The following MYLK variants were observed in gnomAD, a reference collection of about 807,000 sequenced individuals.
MYLK encodes myosin light chain kinase, also known as myosin light chain kinase, smooth muscle.
MYLK carries 106 observed loss-of-function variants against 203.4 expected under a neutral mutation model. The ratio of observed to expected loss-of-function variants is 0.52; its 90% CI spans 0.45 to 0.61. The LOEUF is 0.61. Ranked by LOEUF, MYLK falls within the 20% of genes least tolerant of loss-of-function variation. The pLI, the probability that MYLK is intolerant of heterozygous loss-of-function variation, is 0.00. For missense variants in MYLK, 2,072 were observed against 2,442.3 expected (o/e 0.85, Z 3.20); for synonymous variants, 867 against 959.5 (o/e 0.90, Z 1.78).
chr3:123,831,780 TA>T (rs775496949), intron 2 of MYLK, 110 bp from the exon 3 acceptor site: 40 of 172,170 alleles, frequency 2.3e-4, no homozygotes, highest in Non-Finnish European at 2.0e-4. Flanking sequence ...TATGTAGAAA[TA>T]GGGAAGCATC....
At chr3:123,669,226 C>G (rs1467083064) in intron 20 of MYLK, among the ~76,000 whole-genome samples, 1 of 152,196 alleles carries the variant, frequency 6.6e-6, no homozygotes, top group South Asian at 2.1e-4. Flanking sequence ...GGGCTTCCAC[C>G]AGGTTCCCTC....
chr3:123,850,777 T>G (rs1364888445), intron 2 of MYLK, among the ~76,000 whole-genome samples: 1 of 152,264 alleles, frequency 6.6e-6, no homozygotes, highest in Non-Finnish European at 1.5e-5. Flanking sequence ...TTTTGGCTTT[T>G]GTTGCCACTG....
intron 13 of MYLK, among the ~76,000 whole-genome samples, chr3:123,715,604 T>C (rs2061864392): frequency 6.6e-6 from 1 of 152,194 alleles, no homozygotes; most frequent in African/African-American, 2.4e-5. Context: ...CTAATTCTTC[T>C]TATAAAATAA....
At position 123,700,345 on chromosome 3, in the gene MYLK, G is replaced by A; in HGVS notation, c.3123C>T (p.Ala1041=). 1 of 1,613,646 alleles carries A rather than the reference G, an allele frequency of 6.2e-7. No homozygotes were observed. Among genetic ancestry groups the A allele is most frequent in the Non-Finnish European group, 8.5e-7 (1 of 1,179,868 alleles). Residue 1041 remains alanine, a synonymous_variant, in exon 18 of 34, where the codon GCC becomes GCT. Transcript: ENST00000360304. Reference sequence around the variant, plus strand: ...TGGGCTTCAGGGTCTCGGCAGGCTTGGCGTTGCCCATTGGCTTCAGGGTCT... The same window carrying A: ...TGGGCTTCAGGGTCTCGGCAGGCTTAGCGTTGCCCATTGGCTTCAGGGTCT... ...PAETLKPMGN[A]KPAETLKPMG...
intron 2 of MYLK, among the ~76,000 whole-genome samples, chr3:123,851,001 A>C (rs1249821968): frequency 9.2e-5 from 14 of 152,224 alleles, no homozygotes; most frequent in Admixed American, 9.2e-4. Flanking sequence ...TTGCATAGGG[A>C]ATACTTTCCC....
intron 3 of MYLK, among the ~76,000 whole-genome samples, chr3:123,823,998 G>A (rs1577071778): frequency 6.6e-6 from 1 of 152,024 alleles, no homozygotes; most frequent in East Asian, 1.9e-4. Flanking sequence ...ACCTCCACAG[G>A]GGGGCCTTTC....
rs373487374 is a variant in MYLK, at chr3:123,853,759, G to T, written c.-126-22089C>A. On this transcript the variant is annotated intron_variant, in intron 2 of 33. Coordinates refer to ENST00000360304, the MANE Select transcript of MYLK (RefSeq NM_053025.4). ...GCTATAAATAAGACAGAGAGCTTAG[G>T]ATAAGGATGAGCATATTTTGCATGC... Among the ~76,000 whole-genome samples, 3 of 152,166 alleles carry T rather than the reference G, an allele frequency of 2.0e-5. No homozygotes were observed. In the South Asian group the frequency reaches 6.2e-4, roughly 32 times the overall value.
At chr3:123,831,891 C>T (rs1442651059) in intron 2 of MYLK, among the ~76,000 whole-genome samples, 1 of 152,198 alleles carries the variant, frequency 6.6e-6, no homozygotes, top group Non-Finnish European at 1.5e-5. Flanking sequence ...GAGGTACTTT[C>T]TTCCCCCACA....
At chr3:123,689,295 C>T (rs2060573595) in intron 19 of MYLK, among the ~76,000 whole-genome samples, 2 of 152,126 alleles carry the variant, frequency 1.3e-5, no homozygotes, top group Non-Finnish European at 1.5e-5. Context: ...GACTTAGTTT[C>T]CTCACTGCTC....
intron 3 of MYLK, among the ~76,000 whole-genome samples, chr3:123,815,015 A>C (rs2109258857): frequency 6.6e-6 from 1 of 151,564 alleles, no homozygotes; most frequent in South Asian, 2.1e-4. Context: ...CTGGTCTTGA[A>C]CTCCTGACCT....
intron 20 of MYLK, among the ~76,000 whole-genome samples, chr3:123,671,809 C>T (rs1037820440): frequency 6.6e-6 from 1 of 151,880 alleles, no homozygotes; most frequent in Non-Finnish European, 1.5e-5. Context: ...GCACGGGGAG[C>T]CAAATCCTTT....
chr3:123,638,713 C>A, intron 28 of MYLK: 2 of 981,714 alleles, frequency 2.0e-6, no homozygotes. Flanking sequence ...TAGTCCAACT[C>A]CTGAGCCATG....
At chr3:123,747,162 G>A (rs917373483) in intron 5 of MYLK, among the ~76,000 whole-genome samples, 11 of 152,324 alleles carry the variant, frequency 7.2e-5, no homozygotes, top group Non-Finnish European at 1.3e-4. Flanking sequence ...CATTTCCTAC[G>A]AATTCAAGGT....
In MYLK at chr3:123,700,477, G is replaced by A. The variant is rs774732519; in HGVS notation, c.2991C>T (p.Ser997=). The A allele has an allele frequency of 3.1e-6, 5 of 1,607,930 alleles. No individual in the cohort carries two copies. The South Asian group carries it at 5.5e-5, about 18-fold the overall frequency. Residue 997 remains serine, a synonymous_variant, in exon 18 of 34, where the codon AGC becomes AGT. Coordinates refer to ENST00000360304, the MANE Select transcript of MYLK (RefSeq NM_053025.4). ...TGGCATTCAGGGTCTCGGCACTGCT[G>A]CTGCCATTCTCTGCTGGTAATTTCT... The part of the protein sequence containing the change: ...GKKKLPAENG[S]SSAETLNAKA...
chr3:123,764,027 T>A (rs543945308), intron 4 of MYLK, among the ~76,000 whole-genome samples: 2 of 152,356 alleles, frequency 1.3e-5, no homozygotes, highest in South Asian at 4.1e-4. Flanking sequence ...TTTGACTTTA[T>A]TTTCCAACTA....
intron 5 of MYLK, among the ~76,000 whole-genome samples, chr3:123,749,264 G>A (rs1175560593): frequency 2.0e-5 from 3 of 150,572 alleles, no homozygotes; most frequent in African/African-American, 7.4e-5. Context: ...GAGCAACAGA[G>A]CAAGACCTAG....
chr3:123,752,375 T>C lies in MYLK; in HGVS notation c.329A>G (p.Asn110Ser). The change falls in exon 5 of 34, where the codon AAT (asparagine) becomes AGT (serine). Residue 110 changes from asparagine to serine, a missense_variant. Asn to Ser is a conservative substitution (Grantham distance 46). Coordinates refer to ENST00000360304, the MANE Select transcript of MYLK (RefSeq NM_053025.4). ...TGTCACCTGGCGAGCACCACTGCCA[T>C]TGGTGGCTTCACAGGTATACTTTCC... ...DRGKYTCEAT[N>S]GSGARQVTVE... 3.1e-6 allele frequency: 5 copies of C among 1,614,134 alleles called. No homozygotes were observed. The highest frequency in any genetic ancestry group is 4.2e-6 in the Non-Finnish European group (5 of 1,180,028).
chr3:123,640,340 T>C lies in MYLK; in HGVS notation c.4784A>G (p.Asn1595Ser). ...DLKPENIMCV[N>S]KTGTRIKLID... ...GAGCTTGATCCTGGTGCCCGTCTTG[T>C]TGACACACATGATGTTCTCCGGCTT... Residue 1595 changes from asparagine to serine, a missense_variant, in exon 28 of 34, where the codon AAC becomes AGC. Transcript: ENST00000360304. This position sits in a 1 kb window ranked among gnomAD's most constrained non-coding sequence, Gnocchi z 4.3. 6.2e-7 allele frequency: 1 copy of C among 1,613,948 alleles called. No homozygotes were observed. The highest frequency in any genetic ancestry group is 8.5e-7 in the Non-Finnish European group (1 of 1,179,984).
Position 123,813,635 on chromosome 3 carries a change from C to T in MYLK, c.-4+17913G>A, listed in dbSNP as rs145158568. Among the ~76,000 whole-genome samples, 508 of 152,166 alleles carry T rather than the reference C, an allele frequency of 3.3e-3. 2 individuals are homozygous for T. Among genetic ancestry groups the T allele is most frequent in the African/African-American group, 0.011 (461 of 41,510 alleles). On this transcript the variant is annotated intron_variant, in intron 3 of 33. Transcript: ENST00000360304. ...AAGCGATTCTCCTGCCTCAGCCTCCCGAGTTGCTGGGATTACAGACATGTG... is the reference window on the plus strand; with the variant it reads ...AAGCGATTCTCCTGCCTCAGCCTCCTGAGTTGCTGGGATTACAGACATGTG...
Sources: gnomAD v4.1 joint callset for allele counts (sites outside exome capture counted in the v4.1 genomes callset) on GRCh38, gnomAD v4.1.1 for gene constraint, Gnocchi (gnomAD v3.1) non-coding constraint, MANE v1.5 for transcripts, NCBI Gene and HGNC (gene_info 2026-07-23, HGNC 2026-07-21) for gene names.